TAF15: variants seen among roughly 807,000 people sequenced by gnomAD.
TAF15 encodes the protein TATA-box binding protein associated factor 15.
TAF15 carries 37 observed loss-of-function variants against 102.5 expected under a neutral mutation model. The observed-to-expected ratio is 0.36, with a 90% confidence interval of 0.28 to 0.47. The LOEUF (loss-of-function observed/expected upper bound fraction) is 0.47, where lower values mean the gene tolerates loss of function less well. Among genes scored for constraint, TAF15 ranks in the 20% least tolerant of loss-of-function variants. The probability of loss-of-function intolerance (pLI) is 0.99; values close to 1 mark genes in which losing one functional copy is unlikely to be tolerated. For synonymous variants in TAF15, 273 were observed against 259.2 expected (o/e 1.05, Z -0.51); for missense variants, 652 against 760.7 (o/e 0.86, Z 1.68).
chr17:35,813,690 TCATA>T (rs2087155924), intron 1 of TAF15, among the ~76,000 whole-genome samples: 1 of 138,872 alleles, frequency 7.2e-6, no homozygotes, highest in Admixed American at 7.5e-5. Context: ...AAAACTCCTG[TCATA>T]CATCTAATAA....
At chr17:35,813,128 A>AG (rs1202467600) in intron 1 of TAF15, among the ~76,000 whole-genome samples, 1 of 136,572 alleles carries the variant, frequency 7.3e-6, no homozygotes, top group East Asian at 2.4e-4. Flanking sequence ...AAAAAAAAAA[A>AG]AAAAAAAAAA....
chr17:35,836,958 G>T (rs2087482445), intron 10 of TAF15, among the ~76,000 whole-genome samples: 1 of 152,104 alleles, frequency 6.6e-6, no homozygotes, highest in East Asian at 1.9e-4. Flanking sequence ...ATTTTTAGTA[G>T]AGATGGGGTT....
chr17:35,815,922 A>G (rs1365387984), intron 1 of TAF15, among the ~76,000 whole-genome samples: 1 of 152,140 alleles, frequency 6.6e-6, no homozygotes, highest in African/African-American at 2.4e-5. Flanking sequence ...TATGCCCTCC[A>G]TATTCATAGA....
intron 1 of TAF15, among the ~76,000 whole-genome samples, chr17:35,814,284 G>A (rs2087165904): frequency 6.6e-6 from 1 of 151,812 alleles, no homozygotes; most frequent in African/African-American, 2.4e-5. Flanking sequence ...TCCTGCCTCA[G>A]CCTCCCGAGT....
At chr17:35,819,461 A>G (rs1258547290) in intron 2 of TAF15, among the ~76,000 whole-genome samples, 1 of 152,170 alleles carries the variant, frequency 6.6e-6, no homozygotes, top group South Asian at 2.1e-4. Context: ...AATACTGAGG[A>G]TACGGTATAA....
At chr17:35,810,998 T>A (rs1489975926) in intron 1 of TAF15, 1 of 152,204 alleles carries the variant, frequency 6.6e-6, no homozygotes, top group Non-Finnish European at 1.5e-5. Flanking sequence ...TTTTTCTAGG[T>A]ACGTAATTTG....
intron 7 of TAF15, among the ~76,000 whole-genome samples, chr17:35,826,178 C>G (rs1272581355): frequency 6.6e-6 from 1 of 152,020 alleles, no homozygotes; most frequent in Admixed American, 6.6e-5. Context: ...CCTTTAATAC[C>G]CCTTAATACA....
intron 1 of TAF15, among the ~76,000 whole-genome samples, chr17:35,815,327 T>A (rs2087182579): frequency 1.3e-5 from 2 of 152,334 alleles, no homozygotes; most frequent in South Asian, 4.1e-4. Context: ...TTAGGATGCC[T>A]TAATCTATAA....
At position 35,842,436 on chromosome 17, in the gene TAF15, G is replaced by A. The variant is rs1189178655; in HGVS notation, c.983G>A (p.Gly328Asp). 6.2e-7 allele frequency: 1 copy of A among 1,614,096 alleles called. No homozygotes were observed. Among genetic ancestry groups the A allele is most frequent in the Admixed American group, 1.7e-5 (1 of 60,022 alleles). The change falls in exon 12 of 16, where the codon GGT (glycine) becomes GAT (aspartate). Residue 328 changes from glycine to aspartate, a missense_variant. Gly to Asp is a moderately conservative substitution (Grantham distance 94, BLOSUM62 -1). Around this residue, in one of 3 missense-constraint regions of TAF15, gnomAD observed 368 missense variants for 367.5 expected, o/e 1.00. Coordinates refer to ENST00000605844, the MANE Select transcript of TAF15 (RefSeq NM_139215.3). ...ATRRPEFMRG[G>D]GSGGGRRGRG... ...AGAAGACCTGAATTCATGAGAGGAG[G>A]TGGAAGTGGAGGTGGGCGGCGAGGT...
intron 15 of TAF15, 67 bp from the exon 16 acceptor site, chr17:35,846,839 A>C (rs2087628745): frequency 1.3e-6 from 2 of 1,544,872 alleles, no homozygotes; most frequent in Non-Finnish European, 1.8e-6. Flanking sequence ...TACCCTGAAG[A>C]AGTGTCTAAT....
At chr17:35,821,893 A>G (rs2087263138) in intron 5 of TAF15, among the ~76,000 whole-genome samples, 1 of 152,216 alleles carries the variant, frequency 6.6e-6, no homozygotes. Flanking sequence ...AAGAGAAAAG[A>G]TCTAAAAATA....
chr17:35,844,466 C>T lies in TAF15; in HGVS notation c.1178-11C>T. On this transcript the variant is annotated splice_polypyrimidine_tract_variant and intron_variant, in intron 14 of 15. Coordinates refer to ENST00000605844, the MANE Select transcript of TAF15 (RefSeq NM_139215.3). ...TCTGCTGGCCTCATTGTTTGCATTT[C>T]TACCTTGCAGATTTCCGGGGGAGAG... 1 of 1,613,740 alleles carries T rather than the reference C, an allele frequency of 6.2e-7. No individual in the cohort carries two copies. The highest frequency in any genetic ancestry group is 1.1e-5 in the South Asian group (1 of 91,076).
intron 2 of TAF15, 130 bp downstream of exon 2, chr17:35,817,885 C>A: frequency 2.5e-6 from 2 of 810,112 alleles, no homozygotes; most frequent in East Asian, 2.5e-5. Context: ...TGAAGAGAGT[C>A]AGTGTAAATA....
At chr17:35,840,312 C>T (rs1453334707) in intron 11 of TAF15, among the ~76,000 whole-genome samples, 3 of 137,426 alleles carry the variant, frequency 2.2e-5, no homozygotes, top group East Asian at 2.2e-4. Flanking sequence ...AGTGCAGTGG[C>T]GCAATCTCGG....
chr17:35,812,880 C>T (rs2087142684), intron 1 of TAF15, among the ~76,000 whole-genome samples: 1 of 152,004 alleles, frequency 6.6e-6, no homozygotes, highest in African/African-American at 2.4e-5. Flanking sequence ...GTAATCCCAG[C>T]CCTTTGGGAT....
chr17:35,843,555 A>G (rs775458892), intron 12 of TAF15, among the ~76,000 whole-genome samples: 3 of 152,066 alleles, frequency 2.0e-5, no homozygotes, highest in Non-Finnish European at 4.4e-5. Flanking sequence ...AATCTTCTTC[A>G]TGGAGATTCT....
intron 1 of TAF15, chr17:35,809,863 G>A: frequency 1.7e-6 from 1 of 583,688 alleles, no homozygotes; most frequent in Non-Finnish European, 3.1e-6. Flanking sequence ...GTGTGAGTCG[G>A]GGGGCGGAGG....
At chr17:35,838,926 A>G (rs1167403641) in intron 11 of TAF15, among the ~76,000 whole-genome samples, 3 of 152,056 alleles carry the variant, frequency 2.0e-5, no homozygotes, top group Admixed American at 6.6e-5. Context: ...CACTTGAATA[A>G]TGTACATTTT....
chr17:35,812,583 C>CAAAAAAA (rs34497840), intron 1 of TAF15, among the ~76,000 whole-genome samples: 1 of 66,272 alleles, frequency 1.5e-5, no homozygotes, highest in African/African-American at 5.6e-5. Context: ...AACTCTATCT[C>CAAAAAAA]AAAAAAAAAA....
Sources: gnomAD v4.1 joint callset for allele counts (sites outside exome capture counted in the v4.1 genomes callset) on GRCh38, gnomAD v4.1.1 for gene constraint, gnomAD v4.1.1 regional missense constraint, MANE v1.5 for transcripts, NCBI Gene and HGNC (gene_info 2026-07-23, HGNC 2026-07-21) for gene names.